ZBTB20: variants seen among roughly 807,000 people sequenced by gnomAD.
ZBTB20 encodes zinc finger and BTB domain-containing protein 20.
ZBTB20 carries 9 observed loss-of-function variants against 56.9 expected under a neutral mutation model. The ratio of observed to expected loss-of-function variants is 0.16; its 90% CI spans 0.10 to 0.28. The LOEUF (loss-of-function observed/expected upper bound fraction) is 0.28, where lower values mean the gene tolerates loss of function less well. Among genes scored for constraint, ZBTB20 ranks in the 10% least tolerant of loss-of-function variants. ZBTB20 has a pLI of 1.00. For synonymous variants in ZBTB20, 417 were observed against 420.7 expected, an observed-to-expected ratio of 0.99 and a Z score of 0.11; for missense variants, 655 against 1,003.0, an observed-to-expected ratio of 0.65 and a Z score of 4.69.
intron 3 of ZBTB20, among the ~76,000 whole-genome samples, chr3:114,969,029 C>G (rs1190872505): frequency 6.6e-6 from 1 of 152,066 alleles, no homozygotes; most frequent in African/African-American, 2.4e-5. Flanking sequence ...CTAACCCAAG[C>G]TAGAATTGAG....
intron 1 of ZBTB20, among the ~76,000 whole-genome samples, chr3:115,085,486 A>C (rs1031163085): frequency 6.6e-6 from 1 of 152,000 alleles, no homozygotes; most frequent in Non-Finnish European, 1.5e-5. Flanking sequence ...GATAAAAACA[A>C]GTCATTTCAT....
chr3:114,791,238 C>A (rs1033211207), intron 5 of ZBTB20, among the ~76,000 whole-genome samples: 1 of 152,202 alleles, frequency 6.6e-6, no homozygotes, highest in Non-Finnish European at 1.5e-5. Context: ...TCCAATTATA[C>A]TTGCTGCCTT....
intron 7 of ZBTB20, among the ~76,000 whole-genome samples, chr3:114,472,025 G>A (rs73857613): frequency 0.015 from 2,208 of 152,242 alleles, 49 homozygotes; most frequent in African/African-American, 0.05. Context: ...TTCCTTAGGC[G>A]AATAGGAGGG....
chr3:114,723,929 C>T (rs181852588), intron 5 of ZBTB20, among the ~76,000 whole-genome samples: 95 of 151,836 alleles, frequency 6.3e-4, no homozygotes, highest in African/African-American at 2.1e-3. Context: ...ACTGCAGTGG[C>T]GCTATCTTGG....
chr3:114,434,096 T>G (rs567180397), intron 7 of ZBTB20, among the ~76,000 whole-genome samples: 1 of 152,242 alleles, frequency 6.6e-6, no homozygotes, highest in East Asian at 1.9e-4. Context: ...TAGATGATTA[T>G]TAACACCCTG....
chr3:114,937,676 C>A lies in ZBTB20; in HGVS notation c.-456+36690G>T, dbSNP rs185150680. Among the ~76,000 whole-genome samples, 45 of 152,230 alleles carry A rather than the reference C, an allele frequency of 3.0e-4. 1 individual carries two copies. The highest frequency in any genetic ancestry group is 2.9e-3 in the Admixed American group (44 of 15,294). On this transcript the variant is annotated intron_variant, in intron 3 of 11. Transcript: ENST00000675478. ...GACCTCGTGATCAGCCTGCGTTGGC[C>A]TCCCAAAGTGCTGGAATTACAGGAG...
intron 11 of ZBTB20, among the ~76,000 whole-genome samples, chr3:114,348,068 C>T (rs565969179): frequency 1.3e-5 from 2 of 152,310 alleles, no homozygotes; most frequent in East Asian, 3.9e-4. Context: ...TGTATTTATA[C>T]ATCACGAAGA....
intron 4 of ZBTB20, among the ~76,000 whole-genome samples, chr3:114,838,080 T>C (rs1051062129): frequency 6.6e-6 from 1 of 152,188 alleles, no homozygotes; most frequent in African/African-American, 2.4e-5. Flanking sequence ...ACAGCCTCAG[T>C]TTCTTCATCT....
chr3:114,600,079 T>A (rs557836177), intron 6 of ZBTB20, among the ~76,000 whole-genome samples: 9 of 152,148 alleles, frequency 5.9e-5, no homozygotes, highest in African/African-American at 1.7e-4. Flanking sequence ...ATAATATAAG[T>A]GAAAGCATCT....
intron 6 of ZBTB20, among the ~76,000 whole-genome samples, chr3:114,623,689 T>C (rs1257114331): frequency 6.6e-6 from 1 of 152,168 alleles, no homozygotes; most frequent in Non-Finnish European, 1.5e-5. Context: ...GTGAGCATAA[T>C]GTAAATACTC....
At chr3:114,406,543 T>G (rs1380383734) in intron 7 of ZBTB20, among the ~76,000 whole-genome samples, 1 of 152,142 alleles carries the variant, frequency 6.6e-6, no homozygotes. Context: ...GTAAACCAGC[T>G]AAATATGAGC....
rs148117897 is a variant in ZBTB20, at chr3:114,351,343, C to T, written c.735G>A (p.Ser245=). 5 of 1,609,142 alleles carry T rather than the reference C, an allele frequency of 3.1e-6. No individual in the cohort carries two copies. The East Asian group carries it at 6.7e-5, about 22-fold the overall frequency. ...TCTGCATGGAGCACGCGTAGAGTGC[C>T]GAGTAGATCCTGTCCACGCTGTGCT... ...HPQHSVDRIY[S]ALYACSMQNG... The change falls in exon 11 of 12, where the codon TCG becomes TCA. Residue 245 remains serine (S), a synonymous_variant. Transcript: ENST00000675478.
At chr3:114,414,851 T>C (rs1431563070) in intron 7 of ZBTB20, among the ~76,000 whole-genome samples, 1 of 151,360 alleles carries the variant, frequency 6.6e-6, no homozygotes, top group Non-Finnish European at 1.5e-5. Context: ...GTGAGTTTTA[T>C]TAAAAGTCTA....
intron 10 of ZBTB20, chr3:114,375,808 T>G (rs2083553979): frequency 6.6e-6 from 1 of 152,242 alleles, no homozygotes; most frequent in South Asian, 2.1e-4. Flanking sequence ...ACTAAGGGAA[T>G]TAATTATCTG....
At chr3:114,786,072 T>A (rs2070465907) in intron 5 of ZBTB20, among the ~76,000 whole-genome samples, 1 of 152,146 alleles carries the variant, frequency 6.6e-6, no homozygotes, top group Admixed American at 6.6e-5. Flanking sequence ...ACGTGTGCCA[T>A]GGTAGTGAAC....
At chr3:114,705,076 C>T (rs2063632889) in intron 5 of ZBTB20, among the ~76,000 whole-genome samples, 1 of 152,082 alleles carries the variant, frequency 6.6e-6, no homozygotes, top group Non-Finnish European at 1.5e-5. Flanking sequence ...ATAACTCACT[C>T]AAAGCTACAC....
Position 114,868,416 on chromosome 3 carries a change from G to C in ZBTB20, c.-417+31888C>G, listed in dbSNP as rs185606246. On this transcript the variant is annotated intron_variant, in intron 4 of 11. Coordinates refer to ENST00000675478, the MANE Select transcript of ZBTB20 (RefSeq NM_001348800.3). ...CACAGTATATTGTCCTGTGTAACTG[G>C]AGGTTCATGTAGCACACTGATTTTA... Among the ~76,000 whole-genome samples, 242 of 152,222 alleles carry C rather than the reference G, an allele frequency of 1.6e-3. 1 individual carries two copies. Among genetic ancestry groups the C allele is most frequent in the Non-Finnish European group, 5.0e-4 (34 of 68,000 alleles).
At chr3:114,637,091 G>GAGA (rs1262714924) in intron 6 of ZBTB20, among the ~76,000 whole-genome samples, 1 of 152,006 alleles carries the variant, frequency 6.6e-6, no homozygotes, top group Non-Finnish European at 1.5e-5. Flanking sequence ...AAGAGACAGA[G>GAGA]AGAAGGTCAT....
chr3:115,128,960 G>T (rs954718830), intron 1 of ZBTB20, among the ~76,000 whole-genome samples: 2 of 152,050 alleles, frequency 1.3e-5, no homozygotes, highest in South Asian at 2.1e-4. Context: ...TTAGTCTGGC[G>T]TGGTGTCGGG....
Sources: allele counts gnomAD v4.1 joint callset (sites outside exome capture counted in the v4.1 genomes callset), GRCh38; gene constraint gnomAD v4.1.1; transcripts MANE v1.5; gene names NCBI Gene and HGNC (gene_info 2026-07-23, HGNC 2026-07-21).